The following WDR19 variants were observed in gnomAD, a reference collection of about 807,000 sequenced individuals.
The protein encoded by WDR19 is WD repeat domain 19.
Under a neutral mutation model 180.0 loss-of-function variants are expected in WDR19, and 121 were observed. The observed-to-expected ratio is 0.67, with a 90% CI of 0.58 to 0.78. WDR19 has a LOEUF of 0.78. Ranked by LOEUF, WDR19 falls within the 30% of genes least tolerant of loss-of-function variation. WDR19 has a pLI of 0.00. For synonymous variants in WDR19, 497 were observed against 540.7 expected (o/e 0.92, Z 1.12); for missense variants, 1,450 against 1,640.7 (o/e 0.88, Z 2.01).
intron 34 of WDR19, among the ~76,000 whole-genome samples, 159 bp from the exon 35 acceptor site, chr4:39,277,972 T>C (rs558957034): frequency 6.6e-6 from 1 of 151,590 alleles, no homozygotes; most frequent in South Asian, 2.1e-4. Flanking sequence ...AAGAATCGCT[T>C]GAACCCAGGA....
intron 24 of WDR19, among the ~76,000 whole-genome samples, chr4:39,252,513 A>T (rs1733339652): frequency 7.5e-6 from 1 of 132,858 alleles, no homozygotes; most frequent in East Asian, 2.0e-4. Context: ...TATAATAATA[A>T]AAAATAATAA....
At chr4:39,226,594 A>T (rs2109353769) in intron 15 of WDR19, among the ~76,000 whole-genome samples, 1 of 152,308 alleles carries the variant, frequency 6.6e-6, no homozygotes, top group African/African-American at 2.4e-5. Flanking sequence ...GGGTTCAAAT[A>T]CTGGCTCGTC....
At position 39,273,061 on chromosome 4, in the gene WDR19, C is replaced by T. The variant is rs778261943; in HGVS notation, c.3565C>T (p.His1189Tyr). ...CAACAACATCAGCAAATTTCCATCA[C>T]GTAAGTACCACTGACCAGAGCTCTC... is the stretch of plus-strand genomic sequence containing the variant. ...VANNISKFPSHIVPILTSTVI... is the reference protein window; with the variant it reads ...VANNISKFPSYIVPILTSTVI... The change falls in exon 32 of 37, where the codon CAC (histidine) becomes TAC (tyrosine). Residue 1189 changes from histidine (H) to tyrosine (Y), a missense_variant and splice_region_variant. Physicochemically the swap from His to Tyr is moderately conservative, Grantham distance 83 (BLOSUM62 2). Transcript: ENST00000399820. 13 of 1,600,458 alleles carry T rather than the reference C, an allele frequency of 8.1e-6. No individual in the cohort carries two copies. The highest frequency in any genetic ancestry group is 8.0e-5 in the South Asian group (7 of 87,956).
chr4:39,254,173 A>G, intron 26 of WDR19, 143 bp downstream of exon 26: 17 of 694,720 alleles, frequency 2.4e-5, no homozygotes, highest in Non-Finnish European at 3.5e-5. Context: ...ACACACATGT[A>G]TCTATGTTAT....
In WDR19 at chr4:39,220,211, C is replaced by A. The variant is rs867749435; in HGVS notation, c.1479+2106C>A. 3.3e-5 allele frequency among the ~76,000 whole-genome samples: 5 copies of A among 152,140 alleles called. No individual in the cohort carries two copies. The South Asian group carries it at 1.0e-3, about 32-fold the overall frequency. On this transcript the variant is annotated intron_variant, in intron 14 of 36. Coordinates refer to ENST00000399820, the MANE Select transcript of WDR19 (RefSeq NM_025132.4). ...CTCCAGCCTGGGTGACAGAGCAAGACCCCGTCTGAAAAGCAAACAAACAAA... is the reference window on the plus strand; with the variant it reads ...CTCCAGCCTGGGTGACAGAGCAAGAACCCGTCTGAAAAGCAAACAAACAAA...
chr4:39,194,626 AATC>A lies in WDR19; in HGVS notation c.378_380del (p.His126del). The stretch of plus-strand genomic sequence containing the variant: ...TGTTAAAGGAAATTTGCTTATTTAT[AATC>A]ATCAGACATCTCGAAAGATTCCTGT... On this transcript the variant is annotated inframe_deletion, in exon 5 of 37. Coordinates refer to ENST00000399820, the MANE Select transcript of WDR19 (RefSeq NM_025132.4). 1 of 1,613,038 alleles carries A rather than the reference AATC, an allele frequency of 6.2e-7. No homozygotes were observed. The highest frequency in any genetic ancestry group is 8.5e-7 in the Non-Finnish European group (1 of 1,179,382).
chr4:39,266,228 T>C (rs1734779818), intron 29 of WDR19, 88 bp downstream of exon 29: 1 of 1,243,938 alleles, frequency 8.0e-7, no homozygotes, highest in South Asian at 1.8e-5. Flanking sequence ...TTTTACAACA[T>C]AGACATGAAA....
At chr4:39,216,499 A>T (rs1453349024) in intron 12 of WDR19, among the ~76,000 whole-genome samples, 3 of 152,180 alleles carry the variant, frequency 2.0e-5, no homozygotes, top group Admixed American at 1.3e-4. Flanking sequence ...TAGCTAAGTG[A>T]CTATAGACAA....
At chr4:39,241,519 G>A (rs1241390085) in intron 21 of WDR19, among the ~76,000 whole-genome samples, 6 of 147,856 alleles carry the variant, frequency 4.1e-5, no homozygotes, top group Admixed American at 6.8e-5. Context: ...AAGTGGGTCC[G>A]GGGCCGGGCA....
At chr4:39,261,713 A>C (rs1734310744) in intron 28 of WDR19, among the ~76,000 whole-genome samples, 1 of 152,222 alleles carries the variant, frequency 6.6e-6, no homozygotes, top group East Asian at 1.9e-4. Context: ...GAAGAGCTGA[A>C]GGAATGAATA....
chr4:39,195,009 TATTAATTTTA>T (rs1726575393), intron 5 of WDR19, among the ~76,000 whole-genome samples: 1 of 152,218 alleles, frequency 6.6e-6, no homozygotes, highest in Non-Finnish European at 1.5e-5. Context: ...CTATTTTTGT[TATTAATTTTA>T]GTTAATTTAG....
rs886059397 is a variant in WDR19, at chr4:39,217,177, C to T, written c.1293C>T (p.Ala431=). Reference sequence around the variant, plus strand: ...ATATGGAGTATCTGGGAACAGTAGCCAGTATTTGCCTTCATTCTGACTATG... The same window carrying T: ...ATATGGAGTATCTGGGAACAGTAGCTAGTATTTGCCTTCATTCTGACTATG... The part of the protein sequence containing the change: ...LKDMEYLGTV[A]SICLHSDYAA... The change falls in exon 13 of 37, where the codon GCC becomes GCT. Residue 431 remains alanine (A), a synonymous_variant. Coordinates refer to ENST00000399820, the MANE Select transcript of WDR19 (RefSeq NM_025132.4). 1 of 1,609,004 alleles carries T rather than the reference C, an allele frequency of 6.2e-7. No homozygotes were observed. Among genetic ancestry groups the T allele is most frequent in the Non-Finnish European group, 8.5e-7 (1 of 1,177,868 alleles).
chr4:39,231,183 C>T (rs1168752213), intron 17 of WDR19, among the ~76,000 whole-genome samples: 3 of 152,018 alleles, frequency 2.0e-5, no homozygotes, highest in African/African-American at 4.8e-5. Context: ...TCATGGCATG[C>T]GCCTGTAGTC....
intron 26 of WDR19, 104 bp downstream of exon 26, chr4:39,254,134 T>A (rs1356487957): frequency 8.6e-7 from 1 of 1,162,820 alleles, no homozygotes; most frequent in African/African-American, 1.6e-5. Flanking sequence ...AGAATGCGCC[T>A]GGTGTAAATG....
intron 14 of WDR19, among the ~76,000 whole-genome samples, chr4:39,222,496 C>T (rs746981327): frequency 2.6e-5 from 4 of 152,098 alleles, no homozygotes; most frequent in Non-Finnish European, 4.4e-5. Context: ...CCTAACCCAG[C>T]GTCACAAAAT....
At chr4:39,231,530 TA>T (rs1730861555) in intron 17 of WDR19, among the ~76,000 whole-genome samples, 1 of 152,046 alleles carries the variant, frequency 6.6e-6, no homozygotes. Flanking sequence ...TAAAAAGAAA[TA>T]AATGAATAGG....
At chr4:39,255,747 A>C in intron 26 of WDR19, 101 bp from the exon 27 acceptor site, 1 of 542,058 alleles carries the variant, frequency 1.8e-6, no homozygotes, top group East Asian at 3.0e-5. Flanking sequence ...GTTTGCTGTT[A>C]AGAGTTTTTA....
intron 36 of WDR19, 101 bp downstream of exon 36, chr4:39,278,764 G>T: frequency 1.7e-6 from 1 of 573,636 alleles, no homozygotes; most frequent in East Asian, 2.9e-5. Flanking sequence ...AGTGCACCAT[G>T]GAACTTGCCA....
At position 39,185,540 on chromosome 4, in the gene WDR19, A is replaced by G. The variant is rs117327237; in HGVS notation, c.7-186A>G. On this transcript the variant is annotated intron_variant, in intron 1 of 36. Transcript: ENST00000399820. ...TCTGTAATTTACCAAGTAGTTGTGT[A>G]TGTTTAGTTGGTTGGTTGATTTTGT... is the stretch of plus-strand genomic sequence containing the variant. Among the ~76,000 whole-genome samples the G allele has an allele frequency of 1.5e-3, 230 of 152,268 alleles. 5 individuals are homozygous for G. In the East Asian group the frequency reaches 0.039, roughly 26 times the overall value.
Sources: gnomAD v4.1 joint callset for allele counts (sites outside exome capture counted in the v4.1 genomes callset) on GRCh38, gnomAD v4.1.1 for gene constraint, MANE v1.5 for transcripts, NCBI Gene and HGNC (gene_info 2026-07-23, HGNC 2026-07-21) for gene names.